The following B4GALT6 variants were observed in gnomAD, a reference collection of about 807,000 sequenced individuals.
The protein encoded by B4GALT6 is UDP-Gal:beta-GlcNAc beta-1,4-galactosyltransferase 6.
B4GALT6 carries 14 observed loss-of-function variants against 46.3 expected under a neutral mutation model. That is an observed-to-expected ratio of 0.30 (90% confidence interval 0.20 to 0.47). The LOEUF is 0.47. Among genes scored for constraint, B4GALT6 ranks in the 20% least tolerant of loss-of-function variants. The pLI is 0.99. For missense variants in B4GALT6, 386 were observed against 480.1 expected, an observed-to-expected ratio of 0.80 and a Z score of 1.83; for synonymous variants, 168 against 162.0, an observed-to-expected ratio of 1.04 and a Z score of -0.28.
intron 7 of B4GALT6, 78 bp downstream of exon 7, chr18:31,626,921 G>C: frequency 8.1e-7 from 1 of 1,237,692 alleles, no homozygotes; most frequent in East Asian, 2.6e-5. Context: ...TTCTTGGAAT[G>C]GATAAGTACT....
upstream of B4GALT6, among the ~76,000 whole-genome samples, chr18:31,689,722 C>T (rs879846013): frequency 3.3e-5 from 5 of 152,106 alleles, no homozygotes; most frequent in Middle Eastern, 6.8e-3. Context: ...CCATCCTGAG[C>T]GACAGAGCAA....
upstream of B4GALT6, among the ~76,000 whole-genome samples, chr18:31,689,661 T>C (rs11081707): frequency 0.45 from 68,605 of 151,828 alleles, 18,141 homozygotes; most frequent in South Asian, 0.68. Context: ...GGAGAATTGC[T>C]TGAACCCGGG....
chr18:31,643,071 G>A (rs548075664), intron 4 of B4GALT6, among the ~76,000 whole-genome samples: 4 of 152,252 alleles, frequency 2.6e-5, no homozygotes, highest in Admixed American at 2.6e-4. Context: ...GTTCCAATAT[G>A]AGAATGGAAC....
chr18:31,673,571 G>A (rs2074381997), intron 1 of B4GALT6, among the ~76,000 whole-genome samples: 1 of 152,168 alleles, frequency 6.6e-6, no homozygotes. Context: ...TAGAATCTTG[G>A]CAGGCATAGG....
chr18:31,681,514 G>T (rs1475705088), intron 1 of B4GALT6, among the ~76,000 whole-genome samples: 1 of 152,198 alleles, frequency 6.6e-6, no homozygotes, highest in African/African-American at 2.4e-5. Context: ...AAGAAAAATG[G>T]TTCCTTGAAA....
upstream of B4GALT6, among the ~76,000 whole-genome samples, chr18:31,685,492 C>T (rs910652048): frequency 1.3e-5 from 2 of 151,820 alleles, no homozygotes; most frequent in African/African-American, 4.8e-5. Flanking sequence ...GCGCCGGGCC[C>T]CGAGGAAACC....
chr18:31,651,851 A>T (rs55730236), intron 3 of B4GALT6, among the ~76,000 whole-genome samples: 32,342 of 151,774 alleles, frequency 0.21, 4,126 homozygotes, highest in African/African-American at 0.35. Context: ...GCTCACTGCC[A>T]GCTCCACCTC....
At chr18:31,692,694 T>C in the B4GALT6 span, among the ~76,000 whole-genome samples, 1 of 152,166 alleles carries the variant, frequency 6.6e-6, no homozygotes, top group Non-Finnish European at 1.5e-5. Context: ...AGCTAACGCA[T>C]ATGGATGAGA....
chr18:31,712,284 G>GTTTTTTT, the B4GALT6 span, among the ~76,000 whole-genome samples: 3 of 88,286 alleles, frequency 3.4e-5, no homozygotes, highest in African/African-American at 1.5e-4. Flanking sequence ...CTACTGGGAC[G>GTTTTTTT]TTATTTTTTT....
the B4GALT6 span, among the ~76,000 whole-genome samples, chr18:31,701,245 ATC>A: frequency 6.6e-6 from 1 of 152,162 alleles, no homozygotes; most frequent in African/African-American, 2.4e-5. Context: ...TGAGTAAATT[ATC>A]ACAAGATCTG....
the B4GALT6 span, among the ~76,000 whole-genome samples, chr18:31,692,022 C>A: frequency 2.0e-5 from 3 of 151,922 alleles, no homozygotes; most frequent in African/African-American, 7.3e-5. Context: ...CAACATTAAG[C>A]AAATTATTAA....
At chr18:31,720,422 T>C in the B4GALT6 span, among the ~76,000 whole-genome samples, 22 of 152,120 alleles carry the variant, frequency 1.4e-4, no homozygotes, top group Non-Finnish European at 2.8e-4. Flanking sequence ...GACTGCAAAA[T>C]TGTGGGCAAA....
intron 1 of B4GALT6, among the ~76,000 whole-genome samples, chr18:31,674,120 C>A (rs1334628106): frequency 1.3e-5 from 2 of 152,152 alleles, no homozygotes; most frequent in African/African-American, 4.8e-5. Flanking sequence ...ATGTTTTAAG[C>A]CAACATGTGG....
At chr18:31,651,647 A>AG (rs1184244515) in intron 3 of B4GALT6, among the ~76,000 whole-genome samples, 1 of 151,988 alleles carries the variant, frequency 6.6e-6, no homozygotes, top group African/African-American at 2.4e-5. Flanking sequence ...TCAGGGGAGG[A>AG]GGCATTCCTG....
chr18:31,631,210 T>TC lies in B4GALT6; in HGVS notation c.589-65_589-64insG, dbSNP rs893959892. 9 of 1,465,424 alleles carry TC rather than the reference T, an allele frequency of 6.1e-6. No individual in the cohort carries two copies. The Admixed American group carries it at 1.8e-4, about 29-fold the overall frequency. 90.8% of individuals were successfully genotyped at this position (1,465,424 alleles called of 1,614,324 possible). On this transcript the variant is annotated intron_variant, in intron 5 of 8. Coordinates refer to ENST00000306851, the MANE Select transcript of B4GALT6 (RefSeq NM_004775.5). ...CTCACACTTCATCATCTTTTTTTTT[T>TC]TTTTTCTTTTTTTTGGTATTTTTAG...
At chr18:31,724,549 CTT>C in the B4GALT6 span, 1 of 1,029,224 alleles carries the variant, frequency 9.7e-7, no homozygotes, top group African/African-American at 1.7e-5. Flanking sequence ...TCGACTGAGA[CTT>C]TGGCTCAGAG....
intron 3 of B4GALT6, among the ~76,000 whole-genome samples, chr18:31,652,199 T>C (rs918005357): frequency 6.6e-6 from 1 of 152,144 alleles, no homozygotes; most frequent in Non-Finnish European, 1.5e-5. Context: ...GCCACCAAAC[T>C]TCTCTCATTT....
At chr18:31,651,408 G>A (rs1422345372) in intron 3 of B4GALT6, among the ~76,000 whole-genome samples, 2 of 151,952 alleles carry the variant, frequency 1.3e-5, no homozygotes, top group African/African-American at 2.4e-5. Flanking sequence ...GTGGGGTGGG[G>A]GGCTCTCTAG....
the B4GALT6 span, among the ~76,000 whole-genome samples, chr18:31,694,806 T>C: frequency 6.6e-6 from 1 of 152,214 alleles, no homozygotes; most frequent in Non-Finnish European, 1.5e-5. Flanking sequence ...AGTGTGTAAC[T>C]GTGAAACCAA....
Sources: gnomAD v4.1 joint callset for allele counts (sites outside exome capture counted in the v4.1 genomes callset) on GRCh38, gnomAD v4.1.1 for gene constraint, MANE v1.5 for transcripts, NCBI Gene and HGNC (gene_info 2026-07-23, HGNC 2026-07-21) for gene names.